Variants in AUTS2 observed in about 807,000 individuals in gnomAD.
The protein encoded by AUTS2 is autism susceptibility gene 2 protein.
In AUTS2, 17 loss-of-function variants were observed where a neutral mutation model predicts 112.4. The ratio of observed to expected loss-of-function variants is 0.15; its 90% CI spans 0.10 to 0.23. The LOEUF (loss-of-function observed/expected upper bound fraction) is 0.23. Among genes scored for constraint, AUTS2 ranks in the 10% least tolerant of loss-of-function variants. AUTS2 has a pLI of 1.00. For missense variants in AUTS2, 1,510 were observed against 1,701.6 expected, an observed-to-expected ratio of 0.89 and a Z score of 1.98; for synonymous variants, 751 against 702.7, an observed-to-expected ratio of 1.07 and a Z score of -1.09.
At chr7:70,757,369 G>GT (rs1455021449) in intron 6 of AUTS2, among the ~76,000 whole-genome samples, 3 of 152,084 alleles carry the variant, frequency 2.0e-5, no homozygotes, top group African/African-American at 7.2e-5. Flanking sequence ...TTCTCAGCTG[G>GT]TTGCCTCTGT....
At chr7:70,392,709 A>T (rs1225709641) in intron 4 of AUTS2, among the ~76,000 whole-genome samples, 1 of 152,228 alleles carries the variant, frequency 6.6e-6, no homozygotes, top group Non-Finnish European at 1.5e-5. Context: ...CCGCTTGCTA[A>T]CTATAGCAGG....
At chr7:70,515,961 G>C (rs1385835861) in intron 5 of AUTS2, among the ~76,000 whole-genome samples, 4 of 152,156 alleles carry the variant, frequency 2.6e-5, no homozygotes, top group African/African-American at 9.7e-5. Context: ...TCTTCCAAAA[G>C]GGTATTTCAT....
chr7:70,023,850 GA>G (rs1334075025), intron 2 of AUTS2, among the ~76,000 whole-genome samples: 1 of 151,890 alleles, frequency 6.6e-6, no homozygotes, highest in Non-Finnish European at 1.5e-5. Flanking sequence ...GACTGGCAAA[GA>G]AAAAAAATGT....
At chr7:70,059,486 C>G (rs1398019806) in intron 2 of AUTS2, among the ~76,000 whole-genome samples, 1 of 152,176 alleles carries the variant, frequency 6.6e-6, no homozygotes, top group African/African-American at 2.4e-5. Flanking sequence ...GTGTGGAGAT[C>G]TTAACATTCA....
intron 4 of AUTS2, among the ~76,000 whole-genome samples, chr7:70,361,072 G>A (rs373096614): frequency 9.2e-5 from 14 of 152,118 alleles, no homozygotes; most frequent in Admixed American, 6.5e-4. Context: ...TTGGCCAGGC[G>A]CGGTGGCTCA....
chr7:69,722,212 G>T (rs1438354596), intron 1 of AUTS2, among the ~76,000 whole-genome samples: 1 of 151,778 alleles, frequency 6.6e-6, no homozygotes, highest in East Asian at 1.9e-4. Flanking sequence ...ATTGTGTATA[G>T]GTGGTGGCTA....
rs144559659 is a variant in AUTS2, at chr7:70,066,984, G to A, written c.523-51148G>A. 2.3e-3 allele frequency among the ~76,000 whole-genome samples: 346 copies of A among 152,210 alleles called. 6 individuals carry two copies. In the East Asian group the frequency reaches 0.045, roughly 20 times the overall value. ...TAGCACTCTGGAGTGTGATAATATC[G>A]AAGTCAATGCACAGTCAGGAGGCTT... On this transcript the variant is annotated intron_variant, in intron 2 of 18. Transcript: ENST00000342771.
intron 5 of AUTS2, among the ~76,000 whole-genome samples, chr7:70,677,603 T>G (rs546297778): frequency 1.9e-3 from 282 of 152,212 alleles, no homozygotes; most frequent in African/African-American, 6.2e-3. Context: ...TTTTTCTTTT[T>G]GTAGAGGCAG....
chr7:69,935,658 A>T (rs1796381196), intron 2 of AUTS2, among the ~76,000 whole-genome samples: 1 of 151,802 alleles, frequency 6.6e-6, no homozygotes, highest in African/African-American at 2.4e-5. Context: ...CATAGTATTT[A>T]TAGGGAAACA....
At chr7:70,389,281 G>A (rs1249537599) in intron 4 of AUTS2, among the ~76,000 whole-genome samples, 1 of 152,098 alleles carries the variant, frequency 6.6e-6, no homozygotes, top group African/African-American at 2.4e-5. Context: ...CCACCTACAG[G>A]TGGGAATCTA....
intron 5 of AUTS2, among the ~76,000 whole-genome samples, chr7:70,484,833 G>A (rs964900246): frequency 6.6e-6 from 1 of 152,092 alleles, no homozygotes; most frequent in Non-Finnish European, 1.5e-5. Flanking sequence ...TCTGGACATA[G>A]ACAGTTCTCA....
intron 2 of AUTS2, among the ~76,000 whole-genome samples, chr7:70,004,136 AATAT>A (rs1221904194): frequency 3.6e-5 from 4 of 110,638 alleles, no homozygotes; most frequent in South Asian, 2.8e-4. Flanking sequence ...GAATATATAT[AATAT>A]ATATGAATGT....
intron 1 of AUTS2, among the ~76,000 whole-genome samples, chr7:69,665,892 G>T (rs1277318564): frequency 6.6e-6 from 1 of 152,088 alleles, no homozygotes; most frequent in African/African-American, 2.4e-5. Context: ...CTATTATTGT[G>T]TGAAGTTAGG....
At chr7:70,503,659 A>G (rs1237704493) in intron 5 of AUTS2, among the ~76,000 whole-genome samples, 2 of 151,532 alleles carry the variant, frequency 1.3e-5, no homozygotes, top group African/African-American at 2.4e-5. Context: ...CTGGGACTAC[A>G]GGTGTGCACC....
At chr7:70,647,936 C>G (rs936108825) in intron 5 of AUTS2, among the ~76,000 whole-genome samples, 2 of 152,132 alleles carry the variant, frequency 1.3e-5, no homozygotes, top group African/African-American at 4.8e-5. Flanking sequence ...AGCCACTGAC[C>G]TACCAAGAGT....
chr7:69,948,712 T>G (rs1460654224), intron 2 of AUTS2, among the ~76,000 whole-genome samples: 1 of 152,090 alleles, frequency 6.6e-6, no homozygotes, highest in African/African-American at 2.4e-5. Flanking sequence ...ATGAACTGCT[T>G]TATATCACTG....
chr7:70,441,552 A>C lies in AUTS2; in HGVS notation c.690+5771A>C, dbSNP rs1259799906. Among the ~76,000 whole-genome samples the C allele has an allele frequency of 2.0e-5, 3 of 152,158 alleles. No individual in the cohort carries two copies. In the East Asian group the frequency reaches 5.8e-4, roughly 29 times the overall value. On this transcript the variant is annotated intron_variant, in intron 5 of 18. Transcript: ENST00000342771. ...AGGTGTGTACCACCATACTCAGATA[A>C]CTTAAATTTTATTCTGTAGAGATGG...
chr7:69,659,360 C>G (rs972105951), intron 1 of AUTS2, among the ~76,000 whole-genome samples: 1 of 151,650 alleles, frequency 6.6e-6, no homozygotes, highest in African/African-American at 2.4e-5. Flanking sequence ...TCATTGTTTG[C>G]TGTGGAATCT....
intron 2 of AUTS2, among the ~76,000 whole-genome samples, chr7:69,927,251 A>G (rs1796057821): frequency 6.7e-6 from 1 of 148,788 alleles, no homozygotes; most frequent in East Asian, 2.0e-4. Context: ...CCTTCACATG[A>G]TGTTATATCA....
Sources: allele counts gnomAD v4.1 joint callset (sites outside exome capture counted in the v4.1 genomes callset), GRCh38; gene constraint gnomAD v4.1.1; transcripts MANE v1.5; gene names NCBI Gene and HGNC (gene_info 2026-07-23, HGNC 2026-07-21).